ZSWIM6: variants seen among roughly 807,000 people sequenced by gnomAD.
The protein encoded by ZSWIM6 is zinc finger SWIM-type containing 6.
ZSWIM6 carries 9 observed loss-of-function variants against 113.2 expected under a neutral mutation model. The observed-to-expected ratio is 0.08, with a 90% CI of 0.05 to 0.14. The LOEUF (loss-of-function observed/expected upper bound fraction) is 0.14. Ranked by LOEUF, ZSWIM6 falls within the 10% of genes least tolerant of loss-of-function variation. The pLI, the probability that ZSWIM6 is intolerant of heterozygous loss-of-function variation, is 1.00. For missense variants in ZSWIM6, 1,162 were observed against 1,552.2 expected, an observed-to-expected ratio of 0.75 and a Z score of 4.22; for synonymous variants, 611 against 606.5, an observed-to-expected ratio of 1.01 and a Z score of -0.11.
intron 1 of ZSWIM6, among the ~76,000 whole-genome samples, chr5:61,394,686 A>G (rs1260249552): frequency 6.6e-6 from 1 of 152,218 alleles, no homozygotes. Context: ...GTAATGGCAA[A>G]TGAAAGGAAT....
chr5:61,342,027 G>A (rs565906713), intron 1 of ZSWIM6, among the ~76,000 whole-genome samples: 98 of 151,992 alleles, frequency 6.4e-4, no homozygotes, highest in African/African-American at 2.1e-3. Context: ...TTACAGACAT[G>A]CGCCATGACG....
chr5:61,433,657 GGA>G lies in ZSWIM6; in HGVS notation c.677-39021_677-39020del, dbSNP rs113684766. ...CCGGCTAATTTTTTGTAGTTTTAGT[GGA>G]GACGGGGTTGCACCATGTTGGCCAG... is the stretch of plus-strand genomic sequence containing the variant. On this transcript the variant is annotated intron_variant, in intron 1 of 13. Transcript: ENST00000252744. 1.9e-4 allele frequency among the ~76,000 whole-genome samples: 29 copies of G among 151,958 alleles called. 2 individuals carry two copies. The highest frequency in any genetic ancestry group is 7.0e-4 in the African/African-American group (29 of 41,456).
chr5:61,377,046 AG>A (rs1240545997), intron 1 of ZSWIM6, among the ~76,000 whole-genome samples: 4 of 152,206 alleles, frequency 2.6e-5, no homozygotes, highest in Admixed American at 2.0e-4. Flanking sequence ...AAGATATTAA[AG>A]GATAGTAAGC....
chr5:61,355,846 T>C (rs961172974), intron 1 of ZSWIM6, among the ~76,000 whole-genome samples: 2 of 152,204 alleles, frequency 1.3e-5, no homozygotes, highest in African/African-American at 4.8e-5. Context: ...AAAAGTATTA[T>C]TAGAATTAAT....
chr5:61,383,876 T>C (rs1745535995), intron 1 of ZSWIM6, among the ~76,000 whole-genome samples: 1 of 151,492 alleles, frequency 6.6e-6, no homozygotes, highest in East Asian at 1.9e-4. Flanking sequence ...GCTAATACCT[T>C]TTGGGATTGG....
At chr5:61,391,689 G>A in intron 1 of ZSWIM6, 1 of 1,122,686 alleles carries the variant, frequency 8.9e-7, no homozygotes, top group Non-Finnish European at 1.4e-6. Flanking sequence ...ATCCTGGCCT[G>A]TCGACTTCCC....
chr5:61,531,509 G>C lies in ZSWIM6; in HGVS notation c.2029G>C (p.Ala677Pro). Residue 677 changes from alanine (A) to proline (P), a missense_variant, in exon 9 of 14, where the codon GCA becomes CCA. Transcript: ENST00000252744. ...GTCTCTGGAATACCAGCATCTACCT[G>C]CACACAAATTCTTAGAAGAAGGGGA... ...CKSLEYQHLP[A>P]HKFLEEGESY... 2.6e-6 allele frequency: 4 copies of C among 1,551,658 alleles called. No individual in the cohort carries two copies. Among genetic ancestry groups the C allele is most frequent in the Non-Finnish European group, 3.5e-6 (4 of 1,146,946 alleles).
chr5:61,526,416 T>C lies in ZSWIM6; in HGVS notation c.1837+20T>C, dbSNP rs1337429124. On this transcript the variant is annotated intron_variant, in intron 7 of 13. Coordinates refer to ENST00000252744, the MANE Select transcript of ZSWIM6 (RefSeq NM_020928.2). ...AAAAAGGTGAATGTGAAGGAGTTTGTTTCCATTGGAATGGGATTCTTAGTG... is the reference window on the plus strand; with the variant it reads ...AAAAAGGTGAATGTGAAGGAGTTTGCTTCCATTGGAATGGGATTCTTAGTG... 6.4e-7 allele frequency: 1 copy of C among 1,551,696 alleles called. No homozygotes were observed. Among genetic ancestry groups the C allele is most frequent in the Non-Finnish European group, 8.7e-7 (1 of 1,146,896 alleles).
chr5:61,404,787 C>T (rs769358493), intron 1 of ZSWIM6, among the ~76,000 whole-genome samples: 3 of 151,984 alleles, frequency 2.0e-5, no homozygotes, highest in African/African-American at 4.8e-5. Flanking sequence ...TTTTTGTCTT[C>T]GGGTTTTTGG....
chr5:61,533,281 G>A (rs2112279983), intron 9 of ZSWIM6, among the ~76,000 whole-genome samples: 1 of 152,346 alleles, frequency 6.6e-6, no homozygotes, highest in Middle Eastern at 3.4e-3. Flanking sequence ...AGAAGATTGA[G>A]AACTCCATGA....
intron 1 of ZSWIM6, among the ~76,000 whole-genome samples, chr5:61,449,221 T>TGG (rs1405833527): frequency 6.6e-6 from 1 of 152,234 alleles, no homozygotes; most frequent in African/African-American, 2.4e-5. Context: ...TCTCTGAAGC[T>TGG]GGGAAAACCA....
At chr5:61,485,353 G>T (rs1747989276) in intron 2 of ZSWIM6, among the ~76,000 whole-genome samples, 1 of 152,136 alleles carries the variant, frequency 6.6e-6, no homozygotes, top group African/African-American at 2.4e-5. Context: ...GGTCCTAGAT[G>T]CTCTTAAACA....
At chr5:61,378,231 A>C (rs1190268379) in intron 1 of ZSWIM6, among the ~76,000 whole-genome samples, 2 of 152,240 alleles carry the variant, frequency 1.3e-5, no homozygotes, top group East Asian at 3.8e-4. Flanking sequence ...AAACACTGGA[A>C]ACAAGCTAAA....
chr5:61,341,605 C>T (rs1001596095), intron 1 of ZSWIM6, among the ~76,000 whole-genome samples: 1 of 152,008 alleles, frequency 6.6e-6, no homozygotes, highest in Non-Finnish European at 1.5e-5. Context: ...TATACATATA[C>T]CCATATAATA....
chr5:61,437,598 C>CT (rs777600556), intron 1 of ZSWIM6, among the ~76,000 whole-genome samples: 22 of 151,184 alleles, frequency 1.5e-4, no homozygotes, highest in South Asian at 2.1e-4. Context: ...TAGCGTGTGC[C>CT]TTGGTCCCAG....
At chr5:61,431,027 T>A (rs1746569793) in intron 1 of ZSWIM6, among the ~76,000 whole-genome samples, 1 of 152,106 alleles carries the variant, frequency 6.6e-6, no homozygotes, top group East Asian at 1.9e-4. Flanking sequence ...GCAGAAGGGA[T>A]ATGTATGAGA....
At chr5:61,343,200 G>A (rs1033465673) in intron 1 of ZSWIM6, among the ~76,000 whole-genome samples, 2 of 152,170 alleles carry the variant, frequency 1.3e-5, no homozygotes. Context: ...TTAATTGGAA[G>A]GATGCAGTAG....
intron 1 of ZSWIM6, among the ~76,000 whole-genome samples, chr5:61,419,229 A>G (rs1255363628): frequency 1.3e-5 from 2 of 152,216 alleles, no homozygotes; most frequent in African/African-American, 4.8e-5. Flanking sequence ...TGTATTTGAT[A>G]CTATCAACAT....
intron 4 of ZSWIM6, among the ~76,000 whole-genome samples, chr5:61,505,775 G>GAA: frequency 7.0e-6 from 1 of 143,856 alleles, no homozygotes; most frequent in South Asian, 2.3e-4. Context: ...TTTTGAGACA[G>GAA]TCTCGCTCTG....
Sources: gnomAD v4.1 joint callset for allele counts (sites outside exome capture counted in the v4.1 genomes callset) on GRCh38, gnomAD v4.1.1 for gene constraint, MANE v1.5 for transcripts, NCBI Gene and HGNC (gene_info 2026-07-23, HGNC 2026-07-21) for gene names.